Variants in NOS1AP observed in about 807,000 individuals in gnomAD.
NOS1AP encodes the protein carboxyl-terminal PDZ ligand of neuronal nitric oxide synthase protein.
In NOS1AP, 21 loss-of-function variants were observed where a neutral mutation model predicts 56.2. The observed-to-expected ratio is 0.37, with a 90% CI of 0.26 to 0.54. NOS1AP has a LOEUF of 0.54. Among genes scored for constraint, NOS1AP ranks in the 20% least tolerant of loss-of-function variants. NOS1AP has a pLI of 0.84. For synonymous variants in NOS1AP, 270 were observed against 274.6 expected, an observed-to-expected ratio of 0.98 and a Z score of 0.17; for missense variants, 522 against 657.8, an observed-to-expected ratio of 0.79 and a Z score of 2.26.
intron 2 of NOS1AP, among the ~76,000 whole-genome samples, chr1:162,184,369 G>A (rs766448334): frequency 3.9e-5 from 6 of 152,180 alleles, no homozygotes; most frequent in Non-Finnish European, 7.3e-5. Context: ...TTAACAAAAT[G>A]TGACAGATAT....
Position 162,368,587 on chromosome 1 carries a change from C to G in NOS1AP, c.*1120C>G, listed in dbSNP as rs164146. On this transcript the variant is annotated 3_prime_UTR_variant, in exon 10 of 10. Coordinates refer to ENST00000361897, the MANE Select transcript of NOS1AP (RefSeq NM_014697.3). ...TTGCCACCCTTGGCCCATCTCTCTG[C>G]GTGCGTGCCTTGAGCACACATATAA... 115,652 of 152,276 alleles carry G rather than the reference C, an allele frequency of 0.76. 45,621 individuals are homozygous for G. The highest frequency in any genetic ancestry group is 0.86 in the Non-Finnish European group (58,200 of 68,044). 9.4% of individuals were successfully genotyped at this position (152,276 alleles called of 1,614,324 possible).
intron 1 of NOS1AP, among the ~76,000 whole-genome samples, chr1:162,116,221 G>A (rs891177940): frequency 6.6e-6 from 1 of 152,104 alleles, no homozygotes; most frequent in Non-Finnish European, 1.5e-5. Context: ...TGTCACCATC[G>A]TCCTCTGTAG....
chr1:162,238,285 C>A (rs1475012105), intron 2 of NOS1AP, among the ~76,000 whole-genome samples: 1 of 151,980 alleles, frequency 6.6e-6, no homozygotes, highest in Non-Finnish European at 1.5e-5. Context: ...CCCCACTAAC[C>A]CCCTCAGCTG....
In NOS1AP at chr1:162,234,853, G is replaced by A. The variant is rs79750158; in HGVS notation, c.178-52491G>A. 5.7e-3 allele frequency among the ~76,000 whole-genome samples: 870 copies of A among 152,274 alleles called. 10 individuals are homozygous for A. Among genetic ancestry groups the A allele is most frequent in the African/African-American group, 0.02 (818 of 41,546 alleles). ...TAATCAAATTGAGTGGGGAATTGTA[G>A]CCACATAGAAGAGGCTGTTGCTTCT... On this transcript the variant is annotated intron_variant, in intron 2 of 9. Transcript: ENST00000361897.
At chr1:162,273,160 CTTTTTTTTTT>C (rs11429407) in intron 2 of NOS1AP, among the ~76,000 whole-genome samples, 2 of 106,222 alleles carry the variant, frequency 1.9e-5, no homozygotes, top group East Asian at 2.8e-4. Context: ...AGCCCTTGTT[CTTTTTTTTTT>C]TTTTTTTTTT....
intron 7 of NOS1AP, among the ~76,000 whole-genome samples, chr1:162,356,073 T>C (rs991799296): frequency 6.6e-6 from 1 of 152,216 alleles, no homozygotes; most frequent in Non-Finnish European, 1.5e-5. Flanking sequence ...AACATTCATA[T>C]CTTATCTCAC....
In NOS1AP at chr1:162,070,130, C is replaced by G; in HGVS notation, c.-48C>G. On this transcript the variant is annotated 5_prime_UTR_variant, in exon 1 of 10. Transcript: ENST00000361897. The stretch of plus-strand genomic sequence containing the variant: ...CCCCTCCCCGGGGTCTCGCCAGCCC[C>G]TTCCTGCAGCCGCCGCCTCCGAAGG... 6.6e-7 allele frequency: 1 copy of G among 1,513,198 alleles called. No individual in the cohort carries two copies. The highest frequency in any genetic ancestry group is 9.2e-7 in the Non-Finnish European group (1 of 1,089,374). 93.7% of individuals were successfully genotyped at this position (1,513,198 alleles called of 1,614,324 possible).
chr1:162,332,101 T>G (rs1043158378), intron 4 of NOS1AP, among the ~76,000 whole-genome samples: 16 of 152,340 alleles, frequency 1.1e-4, no homozygotes, highest in African/African-American at 3.6e-4. Flanking sequence ...ATACTCCACT[T>G]GAACCACACT....
intron 2 of NOS1AP, among the ~76,000 whole-genome samples, chr1:162,266,643 T>G (rs1205521885): frequency 6.6e-6 from 1 of 152,208 alleles, no homozygotes; most frequent in Non-Finnish European, 1.5e-5. Flanking sequence ...CATGGTTCCT[T>G]TTGGTGTTAT....
At chr1:162,300,199 A>G (rs114577301) in intron 3 of NOS1AP, among the ~76,000 whole-genome samples, 1,632 of 152,274 alleles carry the variant, frequency 0.011, 36 homozygotes, top group African/African-American at 0.037. Context: ...CTCAGCAAGC[A>G]CTACGATTGA....
intron 2 of NOS1AP, among the ~76,000 whole-genome samples, chr1:162,234,963 C>T (rs1653239341): frequency 6.6e-6 from 1 of 152,206 alleles, no homozygotes; most frequent in Non-Finnish European, 1.5e-5. Flanking sequence ...GTTTTATGCC[C>T]TGTTCTGACA....
chr1:162,257,158 A>G (rs77776939), intron 2 of NOS1AP, among the ~76,000 whole-genome samples: 414 of 152,324 alleles, frequency 2.7e-3, no homozygotes, highest in African/African-American at 9.6e-3. Context: ...ATTCATACTT[A>G]CATCATGCCA....
At chr1:162,274,439 C>G (rs1654678864) in intron 2 of NOS1AP, among the ~76,000 whole-genome samples, 2 of 152,214 alleles carry the variant, frequency 1.3e-5, no homozygotes, top group Admixed American at 1.3e-4. Flanking sequence ...CCTCAGCAAC[C>G]TGCATGTGGC....
At chr1:162,355,415 T>C in intron 7 of NOS1AP, 62 bp downstream of exon 7, 2 of 1,601,050 alleles carry the variant, frequency 1.2e-6, no homozygotes, top group Non-Finnish European at 1.7e-6. Flanking sequence ...CATCAGTCAC[T>C]TCCTAGCCCC....
intron 2 of NOS1AP, among the ~76,000 whole-genome samples, chr1:162,225,173 C>T (rs918250130): frequency 2.0e-5 from 3 of 152,160 alleles, no homozygotes; most frequent in African/African-American, 7.2e-5. Context: ...GCAGAGTCCT[C>T]CTAGGGTAGG....
chr1:162,199,742 A>G (rs183713706), intron 2 of NOS1AP, among the ~76,000 whole-genome samples: 4 of 152,232 alleles, frequency 2.6e-5, no homozygotes, highest in African/African-American at 9.6e-5. Context: ...CTGGGATACA[A>G]TTTAGTGAAT....
chr1:162,316,698 C>G (rs555498219), intron 4 of NOS1AP, among the ~76,000 whole-genome samples: 2 of 152,186 alleles, frequency 1.3e-5, no homozygotes, highest in African/African-American at 4.8e-5. Context: ...GAGTTAAGAG[C>G]AATGTTTTAG....
intron 4 of NOS1AP, among the ~76,000 whole-genome samples, chr1:162,324,416 CTTTTTTTT>C (rs35946766): frequency 0.031 from 2,233 of 71,934 alleles, 23 homozygotes; most frequent in African/African-American, 0.041. Context: ...GGACACTAGC[CTTTTTTTT>C]TTTTTTTTTT....
At chr1:162,355,665 G>T (rs1179921605) in intron 7 of NOS1AP, among the ~76,000 whole-genome samples, 1 of 126,812 alleles carries the variant, frequency 7.9e-6, no homozygotes, top group Non-Finnish European at 1.7e-5. Context: ...ACAGTATTTT[G>T]CAAGGCTCAC....
Sources: gnomAD v4.1 joint callset for allele counts (sites outside exome capture counted in the v4.1 genomes callset) on GRCh38, gnomAD v4.1.1 for gene constraint, MANE v1.5 for transcripts, NCBI Gene and HGNC (gene_info 2026-07-23, HGNC 2026-07-21) for gene names.